The following COL4A4 variants were observed in gnomAD, a reference collection of about 807,000 sequenced individuals.
COL4A4 encodes the protein collagen type IV alpha 4 chain.
A neutral mutation model predicts 192.9 loss-of-function variants in COL4A4; 105 were observed. That is an observed-to-expected ratio of 0.54 (90% CI 0.46 to 0.64). The LOEUF (loss-of-function observed/expected upper bound fraction) is 0.64, where lower values mean the gene tolerates loss of function less well. COL4A4 is among the 30% of genes least tolerant of loss of function. The probability of loss-of-function intolerance (pLI) is 0.00; values close to 1 mark genes in which losing one functional copy is unlikely to be tolerated. For missense variants in COL4A4, 1,967 were observed against 2,169.3 expected (o/e 0.91, Z 1.85); for synonymous variants, 762 against 769.9 (o/e 0.99, Z 0.17).
chr2:226,981,735 C>T, the COL4A4 span, among the ~76,000 whole-genome samples: 1 of 152,222 alleles, frequency 6.6e-6, no homozygotes, highest in Admixed American at 6.5e-5. Context: ...GACCATCATA[C>T]TTCTCAGACA....
chr2:227,077,717 G>A (rs911606522), intron 25 of COL4A4, among the ~76,000 whole-genome samples, 177 bp downstream of exon 25: 3 of 150,970 alleles, frequency 2.0e-5, no homozygotes, highest in Non-Finnish European at 4.4e-5. Flanking sequence ...AAAAGAAGGA[G>A]GAGGGAGGAA....
chr2:227,033,963 G>A (rs146913042), intron 37 of COL4A4, among the ~76,000 whole-genome samples: 18 of 152,340 alleles, frequency 1.2e-4, no homozygotes, highest in African/African-American at 4.3e-4. Context: ...GACGCATGGC[G>A]CCTGTGGCAT....
intron 1 of COL4A4, among the ~76,000 whole-genome samples, chr2:227,149,279 G>A (rs1005660835): frequency 6.6e-6 from 1 of 152,186 alleles, no homozygotes; most frequent in Non-Finnish European, 1.5e-5. Flanking sequence ...AGCAGAAACT[G>A]AATCACTTTG....
the COL4A4 span, among the ~76,000 whole-genome samples, chr2:226,980,709 ATGAAGT>A: frequency 6.6e-6 from 1 of 152,164 alleles, no homozygotes; most frequent in South Asian, 2.1e-4. Flanking sequence ...GATACTTCCA[ATGAAGT>A]TCAGAGAGCA....
At chr2:227,109,133 C>T (rs1209616632) in intron 10 of COL4A4, 91 bp downstream of exon 10, 2 of 1,230,910 alleles carry the variant, frequency 1.6e-6, no homozygotes, top group South Asian at 2.4e-5. Context: ...AAACGGCCCA[C>T]CTGTGTCTGA....
the COL4A4 span, among the ~76,000 whole-genome samples, chr2:226,969,935 G>A: frequency 6.6e-6 from 1 of 151,828 alleles, no homozygotes; most frequent in Non-Finnish European, 1.5e-5. Flanking sequence ...GGAGGGTCTG[G>A]TGTACTGGAA....
Position 227,088,814 on chromosome 2 carries a change from T to G in COL4A4, c.1462A>C (p.Asn488His), listed in dbSNP as rs747230903. 3.1e-6 allele frequency: 5 copies of G among 1,614,002 alleles called. No homozygotes were observed. In the African/African-American group the frequency reaches 4.0e-5, roughly 13 times the overall value. ...GGRGPKGEKGNEGLCACEPGP... is the reference protein window; with the variant it reads ...GGRGPKGEKGHEGLCACEPGP... Reference sequence around the variant, plus strand: ...GGCTCACAGGCACAGAGTCCTTCATTTCCTAGACAGAGGATCAATGGCAGA... The same window carrying G: ...GGCTCACAGGCACAGAGTCCTTCATGTCCTAGACAGAGGATCAATGGCAGA... The change falls in exon 22 of 48, where the codon AAT (asparagine) becomes CAT (histidine). Residue 488 changes from asparagine to histidine, a missense_variant and splice_region_variant. By Grantham distance (68) the Asn-to-His change is moderately conservative (BLOSUM62 1). Coordinates refer to ENST00000396625, the MANE Select transcript of COL4A4 (RefSeq NM_000092.5).
rs758339455 is a variant in COL4A4, at chr2:227,101,893, T to C, written c.947A>G (p.Tyr316Cys). The change falls in exon 16 of 48, where the codon TAT (tyrosine) becomes TGT (cysteine). Residue 316 changes from tyrosine (Y) to cysteine (C), a missense_variant. Coordinates refer to ENST00000396625, the MANE Select transcript of COL4A4 (RefSeq NM_000092.5). ...TAATCCTGGAAAACCTGGAGATCCA[T>C]AGGAACCAGGATCCCCCTAATAAAT... ...FPGPRGDPGS[Y>C]GSPGFPGLKG... The C allele has an allele frequency of 6.3e-7, 1 of 1,597,550 alleles. No individual in the cohort carries two copies. The highest frequency in any genetic ancestry group is 8.6e-7 in the Non-Finnish European group (1 of 1,168,816).
chr2:227,110,867 A>T lies in COL4A4; in HGVS notation c.594+811T>A, dbSNP rs180861149. ...CTGGCTAATTTCGTATTTTTAGTAG[A>T]TAGGGGCTTTCACCATGTTGGCCAG... On this transcript the variant is annotated intron_variant, in intron 9 of 47. Coordinates refer to ENST00000396625, the MANE Select transcript of COL4A4 (RefSeq NM_000092.5). Among the ~76,000 whole-genome samples the T allele has an allele frequency of 2.7e-5, 4 of 150,534 alleles. No individual in the cohort carries two copies. In the East Asian group the frequency reaches 5.9e-4, roughly 22 times the overall value.
At chr2:226,995,553 G>C in the COL4A4 span, 1 of 1,444,196 alleles carries the variant, frequency 6.9e-7, no homozygotes, top group Non-Finnish European at 9.7e-7. Context: ...TGGCCTATTC[G>C]TGTAATTATT....
chr2:227,085,157 C>CAA (rs72399577), intron 22 of COL4A4, among the ~76,000 whole-genome samples: 8 of 150,294 alleles, frequency 5.3e-5, no homozygotes, highest in African/African-American at 1.7e-4. Flanking sequence ...CAAAACGAAA[C>CAA]AAAAAAAACA....
At position 227,062,602 on chromosome 2, in the gene COL4A4, C is replaced by T. The variant is rs758331938; in HGVS notation, c.1988-4G>A. The T allele has an allele frequency of 8.1e-6, 13 of 1,610,810 alleles. No individual in the cohort carries two copies. The highest frequency in any genetic ancestry group is 1.7e-6 in the Non-Finnish European group (2 of 1,177,124). On this transcript the variant is annotated splice_polypyrimidine_tract_variant and splice_region_variant and intron_variant, in intron 25 of 47. Transcript: ENST00000396625. ...ACGTTGCAAGAAATTGTGTCACCTG[C>T]AATGAGAAAAGAAAAGCGGCATTCA... is the stretch of plus-strand genomic sequence containing the variant.
intron 26 of COL4A4, among the ~76,000 whole-genome samples, chr2:227,060,786 G>A (rs1976783773): frequency 6.7e-6 from 1 of 148,876 alleles, no homozygotes; most frequent in African/African-American, 2.5e-5. Flanking sequence ...GGAGTGCAGT[G>A]ACGCAGTCTC....
At chr2:227,079,192 C>G (rs1301136225) in intron 24 of COL4A4, among the ~76,000 whole-genome samples, 1 of 152,062 alleles carries the variant, frequency 6.6e-6, no homozygotes. Context: ...TTTGAGTGAC[C>G]TTTTATCCTT....
At chr2:227,049,994 G>GTAAT in intron 34 of COL4A4, 74 bp downstream of exon 34, 1 of 1,408,700 alleles carries the variant, frequency 7.1e-7, no homozygotes, top group South Asian at 1.2e-5. Context: ...TCATGTAAAA[G>GTAAT]GCACTTGTTT....
At chr2:227,033,789 C>T (rs1968935217) in intron 37 of COL4A4, among the ~76,000 whole-genome samples, 1 of 152,178 alleles carries the variant, frequency 6.6e-6, no homozygotes, top group East Asian at 1.9e-4. Flanking sequence ...TAGGAAGTGA[C>T]CTTTGATTTT....
At chr2:227,093,970 C>A (rs374869089) in intron 20 of COL4A4, among the ~76,000 whole-genome samples, 155 bp downstream of exon 20, 26 of 152,316 alleles carry the variant, frequency 1.7e-4, no homozygotes, top group African/African-American at 6.0e-4. Context: ...ATGTGAAAGT[C>A]CAACTTCAGT....
At chr2:227,063,580 AAAACTT>A (rs2150320301) in intron 25 of COL4A4, among the ~76,000 whole-genome samples, 1 of 152,214 alleles carries the variant, frequency 6.6e-6, no homozygotes, top group South Asian at 2.1e-4. Context: ...ACAAAAGAAA[AAAACTT>A]AAACCTTTTT....
At chr2:227,103,344 CA>C in intron 13 of COL4A4, 147 bp from the exon 14 acceptor site, 1 of 684,006 alleles carries the variant, frequency 1.5e-6, no homozygotes, top group Non-Finnish European at 2.5e-6. Context: ...TTCTAATTAG[CA>C]CACTTATAAA....
Sources: gnomAD v4.1 joint callset for allele counts (sites outside exome capture counted in the v4.1 genomes callset) on GRCh38, gnomAD v4.1.1 for gene constraint, MANE v1.5 for transcripts, NCBI Gene and HGNC (gene_info 2026-07-23, HGNC 2026-07-21) for gene names.